The following GALNTL6 variants were observed in gnomAD, a reference collection of about 807,000 sequenced individuals.
GALNTL6 encodes polypeptide N-acetylgalactosaminyltransferase like 6, also known as polypeptide N-acetylgalactosaminyltransferase-like 6.
A neutral mutation model predicts 73.7 loss-of-function variants in GALNTL6; 46 were observed. That is an observed-to-expected ratio of 0.62 (90% confidence interval 0.49 to 0.80). The LOEUF is 0.80. Among genes scored for constraint, GALNTL6 ranks in the 30% least tolerant of loss-of-function variants. The pLI is 0.00. For missense variants in GALNTL6, 604 were observed against 755.0 expected, an observed-to-expected ratio of 0.80 and a Z score of 2.34; for synonymous variants, 259 against 263.7, an observed-to-expected ratio of 0.98 and a Z score of 0.17.
At chr4:172,316,696 A>C (rs192828365) in intron 4 of GALNTL6, among the ~76,000 whole-genome samples, 3 of 152,244 alleles carry the variant, frequency 2.0e-5, no homozygotes, top group African/African-American at 7.2e-5. Context: ...AGATAGCCCC[A>C]GAAACGATTT....
At chr4:172,213,022 A>G (rs191624004) in intron 2 of GALNTL6, among the ~76,000 whole-genome samples, 32 of 152,270 alleles carry the variant, frequency 2.1e-4, no homozygotes, top group African/African-American at 7.2e-4. Context: ...AAAGTATCAC[A>G]TAGTTGGAAT....
intron 5 of GALNTL6, among the ~76,000 whole-genome samples, chr4:172,697,985 T>C (rs1336157027): frequency 2.0e-5 from 3 of 152,174 alleles, no homozygotes; most frequent in African/African-American, 4.8e-5. Context: ...TACAGTCTCA[T>C]TTAGTTGCAA....
chr4:172,762,640 A>G (rs1738176766), intron 5 of GALNTL6, among the ~76,000 whole-genome samples: 1 of 152,146 alleles, frequency 6.6e-6, no homozygotes, highest in Non-Finnish European at 1.5e-5. Context: ...ATCTTGTGAC[A>G]TTAATCACAG....
chr4:172,628,562 C>T (rs1739260021), intron 5 of GALNTL6, among the ~76,000 whole-genome samples: 1 of 152,002 alleles, frequency 6.6e-6, no homozygotes, highest in African/African-American at 2.4e-5. Flanking sequence ...AACATAATTA[C>T]AAAAACTTCA....
intron 5 of GALNTL6, among the ~76,000 whole-genome samples, chr4:172,427,128 AG>A (rs1731260735): frequency 6.6e-6 from 1 of 152,106 alleles, no homozygotes; most frequent in Non-Finnish European, 1.5e-5. Context: ...TATAAGAGAG[AG>A]AAGAAAAGGA....
chr4:172,009,497 G>A (rs1265391787), intron 2 of GALNTL6, among the ~76,000 whole-genome samples: 2 of 152,066 alleles, frequency 1.3e-5, no homozygotes, highest in African/African-American at 4.8e-5. Flanking sequence ...ACTGCTTACT[G>A]TATCTGTAAA....
intron 2 of GALNTL6, among the ~76,000 whole-genome samples, chr4:171,876,203 T>C (rs1052754240): frequency 4.5e-5 from 4 of 88,550 alleles, no homozygotes; most frequent in African/African-American, 1.5e-4. Context: ...TGATGAATCA[T>C]GTGCTATGGA....
intron 5 of GALNTL6, among the ~76,000 whole-genome samples, chr4:172,761,669 T>TTCTCTCTCTCTCTCTCTCTCTCTC (rs33989573): frequency 4.8e-5 from 7 of 147,282 alleles, no homozygotes; most frequent in East Asian, 2.0e-4. Flanking sequence ...CTTGCTCTCT[T>TTCTCTCTCTCTCTCTCTCTCTCTC]TCTCTCTCTC....
intron 5 of GALNTL6, among the ~76,000 whole-genome samples, chr4:172,790,046 T>TGAGA (rs975025651): frequency 5.3e-5 from 8 of 152,208 alleles, no homozygotes; most frequent in African/African-American, 1.4e-4. Flanking sequence ...AATAGTTTTT[T>TGAGA]AACCTCCAAT....
At chr4:172,209,569 C>CA (rs1376103880) in intron 2 of GALNTL6, among the ~76,000 whole-genome samples, 2 of 151,864 alleles carry the variant, frequency 1.3e-5, no homozygotes, top group African/African-American at 4.8e-5. Flanking sequence ...AAAACAAAGG[C>CA]AAATGAACAT....
At chr4:172,361,914 G>A (rs1742384540) in intron 5 of GALNTL6, among the ~76,000 whole-genome samples, 1 of 152,110 alleles carries the variant, frequency 6.6e-6, no homozygotes, top group Non-Finnish European at 1.5e-5. Flanking sequence ...ATGGGAAATT[G>A]AGTTTCTACA....
chr4:172,053,122 T>G (rs75036616), intron 2 of GALNTL6, among the ~76,000 whole-genome samples: 1 of 152,276 alleles, frequency 6.6e-6, no homozygotes, highest in South Asian at 2.1e-4. Flanking sequence ...ATAAATGAAC[T>G]CACGTCTAAT....
At chr4:171,998,419 G>T (rs989162740) in intron 2 of GALNTL6, among the ~76,000 whole-genome samples, 43 of 152,044 alleles carry the variant, frequency 2.8e-4, no homozygotes, top group African/African-American at 1.0e-3. Context: ...ATAGTCTCCT[G>T]AGTGTCTTGA....
At position 171,999,575 on chromosome 4, in the gene GALNTL6, C is replaced by A. The variant is rs568348607; in HGVS notation, c.138+184857C>A. On this transcript the variant is annotated intron_variant, in intron 2 of 12. Transcript: ENST00000506823. The stretch of plus-strand genomic sequence containing the variant: ...TGAAGTGTTGCATTTTAACTGGGAG[C>A]AATGGTAGTTTGATTTCATTTCCAG... Among the ~76,000 whole-genome samples the A allele has an allele frequency of 3.9e-5, 6 of 152,134 alleles. No individual in the cohort carries two copies. In the East Asian group the frequency reaches 1.2e-3, roughly 30 times the overall value.
At chr4:172,418,053 A>G (rs375706335) in intron 5 of GALNTL6, among the ~76,000 whole-genome samples, 1 of 152,152 alleles carries the variant, frequency 6.6e-6, no homozygotes, top group South Asian at 2.1e-4. Flanking sequence ...CATTTTGTAT[A>G]GTTTACAATT....
At chr4:171,893,063 G>A (rs1736808358) in intron 2 of GALNTL6, among the ~76,000 whole-genome samples, 1 of 152,122 alleles carries the variant, frequency 6.6e-6, no homozygotes, top group African/African-American at 2.4e-5. Context: ...AATGAGGTAG[G>A]AATTATTATC....
In GALNTL6 at chr4:172,052,538, G is replaced by A. The variant is rs184135856; in HGVS notation, c.139-177118G>A. The A allele has an allele frequency of 1.8e-5, 28 of 1,531,370 alleles. No homozygotes were observed. The East Asian group carries it at 2.2e-4, about 12-fold the overall frequency. The allele number at this position is 1,531,370 out of a possible 1,614,324, so 94.9% of individuals were successfully genotyped here. A position where few individuals can be genotyped will look rare whatever the true frequency, so the allele number is the denominator to read the frequency against. ...GCATGAGCTGGTTTACCAGGTAACC[G>A]GTAAAAAGCAAACGGCTGCAGTGCA... On this transcript the variant is annotated intron_variant, in intron 2 of 12. Transcript: ENST00000506823.
intron 2 of GALNTL6, among the ~76,000 whole-genome samples, chr4:172,216,261 A>G (rs1393428762): frequency 2.0e-5 from 3 of 151,842 alleles, no homozygotes; most frequent in Non-Finnish European, 4.4e-5. Context: ...TGTTTGTGAA[A>G]ATCTTTACAA....
chr4:172,133,730 T>C (rs543399813), intron 2 of GALNTL6, among the ~76,000 whole-genome samples: 5 of 152,304 alleles, frequency 3.3e-5, no homozygotes, highest in African/African-American at 1.2e-4. Context: ...ACCAGGATTC[T>C]AGTACATGCA....
Sources: gnomAD v4.1 joint callset for allele counts (sites outside exome capture counted in the v4.1 genomes callset) on GRCh38, gnomAD v4.1.1 for gene constraint, MANE v1.5 for transcripts, NCBI Gene and HGNC (gene_info 2026-07-23, HGNC 2026-07-21) for gene names.